Variants in ANK3 observed in about 807,000 individuals in gnomAD.
ANK3 encodes ankyrin 3, also known as ankyrin-3.
A neutral mutation model predicts 370.9 loss-of-function variants in ANK3; 57 were observed. That is an observed-to-expected ratio of 0.15 (90% CI 0.12 to 0.19). ANK3 has a LOEUF of 0.19. ANK3 is among the 10% of genes least tolerant of loss of function. The probability of loss-of-function intolerance (pLI) is 1.00; values close to 1 mark genes in which losing one functional copy is unlikely to be tolerated. For synonymous variants in ANK3, 1,929 were observed against 1,946.3 expected (o/e 0.99, Z 0.23); for missense variants, 4,439 against 5,302.1 (o/e 0.84, Z 5.06).
intron 2 of ANK3, among the ~76,000 whole-genome samples, chr10:60,613,412 C>A (rs536497282): frequency 1.3e-5 from 2 of 152,136 alleles, no homozygotes; most frequent in Non-Finnish European, 2.9e-5. Context: ...AGTTAGTTAA[C>A]GTATGGCTCC....
At chr10:60,326,658 C>G (rs2049943423) in intron 1 of ANK3, among the ~76,000 whole-genome samples, 1 of 152,090 alleles carries the variant, frequency 6.6e-6, no homozygotes, top group Non-Finnish European at 1.5e-5. Context: ...TCTCAGGGAC[C>G]CTCCTACTGA....
intron 2 of ANK3, among the ~76,000 whole-genome samples, chr10:60,602,886 T>C (rs1443706830): frequency 6.6e-6 from 1 of 152,170 alleles, no homozygotes; most frequent in African/African-American, 2.4e-5. Context: ...TTACAATTTT[T>C]AAATTTTTCA....
At position 60,376,498 on chromosome 10, in the gene ANK3, T is replaced by C. The variant is rs149729346; in HGVS notation, c.114+12927A>G. Among the ~76,000 whole-genome samples, 715 of 152,324 alleles carry C rather than the reference T, an allele frequency of 4.7e-3. 3 individuals carry two copies. The highest frequency in any genetic ancestry group is 0.017 in the African/African-American group (695 of 41,564). On this transcript the variant is annotated intron_variant, in intron 1 of 43. Transcript: ENST00000280772. Reference sequence around the variant, plus strand: ...ACAGAAAATCCACTGAAACATGTTATGTAAAATCAAATTACAGCCTGCCGC... The same window carrying C: ...ACAGAAAATCCACTGAAACATGTTACGTAAAATCAAATTACAGCCTGCCGC...
chr10:60,248,793 G>A (rs2097596328), intron 7 of ANK3, among the ~76,000 whole-genome samples: 1 of 152,196 alleles, frequency 6.6e-6, no homozygotes, highest in South Asian at 2.1e-4. Context: ...ACCCTGAGCT[G>A]TCTGATTCCC....
intron 1 of ANK3, among the ~76,000 whole-genome samples, chr10:60,364,825 T>TG (rs2059172692): frequency 6.6e-6 from 1 of 151,380 alleles, no homozygotes; most frequent in South Asian, 2.1e-4. Flanking sequence ...TGTAAGTAAA[T>TG]GGGGAAGAAC....
intron 2 of ANK3, among the ~76,000 whole-genome samples, chr10:60,591,124 G>A (rs2077904265): frequency 6.6e-6 from 1 of 152,006 alleles, no homozygotes; most frequent in Admixed American, 6.6e-5. Flanking sequence ...GTCCAGCAGC[G>A]ATCATGACCA....
chr10:60,629,840 T>C (rs2133338719), intron 1 of ANK3, among the ~76,000 whole-genome samples: 1 of 152,316 alleles, frequency 6.6e-6, no homozygotes, highest in Non-Finnish European at 1.5e-5. Flanking sequence ...TACAGACTCA[T>C]ACTTTTTTAT....
intron 28 of ANK3, among the ~76,000 whole-genome samples, chr10:60,097,872 A>G (rs1361910978): frequency 3.9e-5 from 6 of 152,212 alleles, no homozygotes; most frequent in Admixed American, 3.9e-4. Flanking sequence ...TTTGTGTATC[A>G]GGGTTAATTT....
chr10:60,312,046 T>C (rs567436822), intron 1 of ANK3, among the ~76,000 whole-genome samples: 40 of 152,304 alleles, frequency 2.6e-4, no homozygotes, highest in African/African-American at 9.6e-4. Context: ...TTTAAATGAA[T>C]GTGAGCAAGC....
intron 25 of ANK3, among the ~76,000 whole-genome samples, chr10:60,128,882 G>A (rs903770418): frequency 3.9e-5 from 6 of 152,158 alleles, no homozygotes; most frequent in Admixed American, 3.3e-4. Flanking sequence ...TTCCATTTAT[G>A]TAATGAGCAC....
chr10:60,261,173 CA>C (rs1300776360), intron 7 of ANK3, among the ~76,000 whole-genome samples: 8 of 152,212 alleles, frequency 5.3e-5, no homozygotes, highest in Admixed American at 4.6e-4. Context: ...TCTCAGAGTC[CA>C]GGATTTCAGC....
chr10:60,389,367 A>G (rs1240099985), intron 1 of ANK3, 58 bp downstream of exon 1: 1 of 1,504,872 alleles, frequency 6.6e-7, no homozygotes, highest in Non-Finnish European at 9.2e-7. Context: ...CAGATGCCAG[A>G]GGGAGATTAA....
intron 1 of ANK3, among the ~76,000 whole-genome samples, chr10:60,672,134 T>C (rs2079070919): frequency 6.6e-6 from 1 of 152,256 alleles, no homozygotes; most frequent in Non-Finnish European, 1.5e-5. Context: ...AAAAAAGATT[T>C]GGTCTCCAAC....
intron 1 of ANK3, among the ~76,000 whole-genome samples, chr10:60,615,461 A>G (rs1364241387): frequency 1.3e-5 from 2 of 152,152 alleles, no homozygotes; most frequent in Non-Finnish European, 2.9e-5. Context: ...ACACCAAATC[A>G]ATAGCATCAA....
chr10:60,498,181 GAAC>G (rs1248207929), intron 2 of ANK3, among the ~76,000 whole-genome samples: 2 of 152,000 alleles, frequency 1.3e-5, no homozygotes, highest in Non-Finnish European at 2.9e-5. Flanking sequence ...TCTGTGATTA[GAAC>G]AACTGTTCTT....
At position 60,073,904 on chromosome 10, in the gene ANK3, A is replaced by G. The variant is rs1564806965; in HGVS notation, c.6977T>C (p.Leu2326Pro). Reference sequence around the variant, plus strand: ...GATGTGGACTTCTATTATACGCTCCAGTTTGGGTTTCATTTGGTTGTCCTT... The same window carrying G: ...GATGTGGACTTCTATTATACGCTCCGGTTTGGGTTTCATTTGGTTGTCCTT... Reference protein sequence around the residue: ...AEKDNQMKPKLERIIEVHIEK... With the variant: ...AEKDNQMKPKPERIIEVHIEK... The change falls in exon 37 of 44, where the codon CTG becomes CCG. Residue 2326 changes from leucine (L) to proline (P), a missense_variant. Physicochemically the swap from Leu to Pro is moderately conservative, Grantham distance 98. Around this residue, in one of 13 missense-constraint regions of ANK3, gnomAD observed 1,601 missense variants for 1,731.7 expected, o/e 0.92. Transcript: ENST00000280772. 4 of 1,613,908 alleles carry G rather than the reference A, an allele frequency of 2.5e-6. No individual in the cohort carries two copies. The highest frequency in any genetic ancestry group is 1.7e-5 in the Admixed American group (1 of 60,014).
At chr10:60,108,529 T>C (rs1309860998) in intron 27 of ANK3, among the ~76,000 whole-genome samples, 1 of 152,174 alleles carries the variant, frequency 6.6e-6, no homozygotes, top group Non-Finnish European at 1.5e-5. Flanking sequence ...AGCATCTGTA[T>C]TTTTTCCCTA....
At chr10:60,048,665 TTACTTC>T (rs1310625733) in intron 42 of ANK3, among the ~76,000 whole-genome samples, 3 of 152,216 alleles carry the variant, frequency 2.0e-5, no homozygotes, top group African/African-American at 7.2e-5. Context: ...ATATTGCTTC[TTACTTC>T]TACTGTTTAT....
At chr10:60,726,080 G>A (rs1390765996) in intron 1 of ANK3, among the ~76,000 whole-genome samples, 3 of 152,178 alleles carry the variant, frequency 2.0e-5, no homozygotes, top group South Asian at 2.1e-4. Flanking sequence ...TTACTTCAAC[G>A]ATGATAGCTT....
Sources: allele counts gnomAD v4.1 joint callset (sites outside exome capture counted in the v4.1 genomes callset), GRCh38; gene constraint gnomAD v4.1.1; regional missense constraint gnomAD v4.1.1; transcripts MANE v1.5; gene names NCBI Gene and HGNC (gene_info 2026-07-23, HGNC 2026-07-21).